ST8SIA1: variants seen among roughly 807,000 people sequenced by gnomAD.
The protein encoded by ST8SIA1 is ST8 alpha-N-acetyl-neuraminide alpha-2,8-sialyltransferase 1.
Under a neutral mutation model 35.9 loss-of-function variants are expected in ST8SIA1, and 16 were observed. The ratio of observed to expected loss-of-function variants is 0.45; its 90% CI spans 0.30 to 0.68. ST8SIA1 has a LOEUF of 0.68. Ranked by LOEUF, ST8SIA1 falls within the 30% of genes least tolerant of loss-of-function variation. The pLI, the probability that ST8SIA1 is intolerant of heterozygous loss-of-function variation, is 0.09. For missense variants in ST8SIA1, 383 were observed against 453.6 expected (o/e 0.84, Z 1.41); for synonymous variants, 170 against 169.6 (o/e 1.00, Z -0.02).
At chr12:22,207,696 C>A (rs1345659367) in intron 4 of ST8SIA1, among the ~76,000 whole-genome samples, 1 of 151,782 alleles carries the variant, frequency 6.6e-6, no homozygotes, top group Non-Finnish European at 1.5e-5. Context: ...CACAAGACTA[C>A]CAAAATAATA....
intron 4 of ST8SIA1, among the ~76,000 whole-genome samples, chr12:22,244,110 C>T (rs903457975): frequency 5.3e-5 from 8 of 152,110 alleles, no homozygotes; most frequent in Non-Finnish European, 7.4e-5. Flanking sequence ...CTCTAGTATA[C>T]GTCTCGAACT....
chr12:22,309,779 G>A (rs892869458), intron 1 of ST8SIA1, among the ~76,000 whole-genome samples: 4 of 152,150 alleles, frequency 2.6e-5, no homozygotes, highest in Non-Finnish European at 5.9e-5. Context: ...CAGTAGAAAG[G>A]TAGGTCTGGA....
chr12:22,297,320 C>A (rs1866258498), intron 1 of ST8SIA1, among the ~76,000 whole-genome samples: 1 of 150,750 alleles, frequency 6.6e-6, no homozygotes, highest in African/African-American at 2.4e-5. Context: ...GGGTAAGACC[C>A]TGGAGTCAGC....
intron 4 of ST8SIA1, among the ~76,000 whole-genome samples, chr12:22,229,659 C>A (rs1865395748): frequency 6.6e-6 from 1 of 151,402 alleles, no homozygotes; most frequent in Non-Finnish European, 1.5e-5. Flanking sequence ...AGGTTATCCA[C>A]CATGATGGCT....
In ST8SIA1 at chr12:22,199,872, A is replaced by G. The variant is rs970104245; in HGVS notation, c.*1680T>C. 1 of 152,182 alleles carries G rather than the reference A, an allele frequency of 6.6e-6. No individual in the cohort carries two copies. Among genetic ancestry groups the G allele is most frequent in the African/African-American group, 2.4e-5 (1 of 41,450 alleles). 9.4% of individuals were successfully genotyped at this position (152,182 alleles called of 1,614,324 possible). A position where few individuals can be genotyped will look rare whatever the true frequency, so the allele number is the denominator to read the frequency against. Reference sequence around the variant, plus strand: ...TTTACCTACAATTTAGTGACATTTAAAATAAAAAAGAAATTGAACTCTAGT... The same window carrying G: ...TTTACCTACAATTTAGTGACATTTAGAATAAAAAAGAAATTGAACTCTAGT... On this transcript the variant is annotated 3_prime_UTR_variant, in exon 5 of 5. Transcript: ENST00000396037.
chr12:22,205,812 ATATATTT>A (rs1865101118), intron 4 of ST8SIA1, among the ~76,000 whole-genome samples: 2 of 152,166 alleles, frequency 1.3e-5, no homozygotes, highest in African/African-American at 4.8e-5. Context: ...CATTTGCAAA[ATATATTT>A]CAACACAGGA....
chr12:22,328,689 G>A (rs1866714369), intron 1 of ST8SIA1, among the ~76,000 whole-genome samples: 1 of 152,186 alleles, frequency 6.6e-6, no homozygotes, highest in Non-Finnish European at 1.5e-5. Context: ...GAGAGGAGGA[G>A]TTCTAAGCAC....
intron 4 of ST8SIA1, among the ~76,000 whole-genome samples, chr12:22,224,491 A>AT (rs1865333593): frequency 6.6e-6 from 1 of 151,766 alleles, no homozygotes; most frequent in Non-Finnish European, 1.5e-5. Flanking sequence ...TGTATTTTTT[A>AT]GTAGAGACAG....
At position 22,257,841 on chromosome 12, in the gene ST8SIA1, A is replaced by C. The variant is rs77893119; in HGVS notation, c.382-2452T>G. On this transcript the variant is annotated intron_variant, in intron 2 of 4. Coordinates refer to ENST00000396037, the MANE Select transcript of ST8SIA1 (RefSeq NM_003034.4). ...AGGTTTTTATTCTAAGATGAGAATC[A>C]AGTCAATGTTGGGTGTGCAAAGGAG... 4.3e-4 allele frequency among the ~76,000 whole-genome samples: 65 copies of C among 152,198 alleles called. No individual in the cohort carries two copies. The East Asian group carries it at 0.011, about 26-fold the overall frequency.
chr12:22,248,106 G>A (rs912509189), intron 4 of ST8SIA1, among the ~76,000 whole-genome samples: 3 of 152,108 alleles, frequency 2.0e-5, no homozygotes, highest in Non-Finnish European at 4.4e-5. Flanking sequence ...AAAATTAAAA[G>A]CTGATTGCAT....
chr12:22,210,300 T>A (rs1479662948), intron 4 of ST8SIA1, among the ~76,000 whole-genome samples: 3 of 152,002 alleles, frequency 2.0e-5, no homozygotes, highest in Non-Finnish European at 2.9e-5. Context: ...AGGATACACA[T>A]AAAGCTGAAA....
intron 2 of ST8SIA1, among the ~76,000 whole-genome samples, chr12:22,267,577 C>T (rs1177410777): frequency 6.6e-6 from 1 of 152,192 alleles, no homozygotes; most frequent in Non-Finnish European, 1.5e-5. Flanking sequence ...CAGGACTCTG[C>T]ATACAAGCAT....
intron 1 of ST8SIA1, among the ~76,000 whole-genome samples, chr12:22,314,874 A>G (rs1274863689): frequency 6.6e-6 from 1 of 152,102 alleles, no homozygotes; most frequent in African/African-American, 2.4e-5. Context: ...TCAAACTCCA[A>G]CTGAAGCTCA....
chr12:22,271,389 A>G (rs991521597), intron 2 of ST8SIA1, among the ~76,000 whole-genome samples: 1 of 152,196 alleles, frequency 6.6e-6, no homozygotes, highest in African/African-American at 2.4e-5. Flanking sequence ...ATGAATATAC[A>G]TAACATATCT....
intron 4 of ST8SIA1, among the ~76,000 whole-genome samples, chr12:22,234,233 C>G (rs1865450558): frequency 6.7e-6 from 1 of 148,524 alleles, no homozygotes; most frequent in East Asian, 2.0e-4. Flanking sequence ...GCACTCCAGC[C>G]TGAGTGACAG....
intron 1 of ST8SIA1, among the ~76,000 whole-genome samples, chr12:22,317,589 T>C (rs186875017): frequency 3.0e-4 from 45 of 152,316 alleles, no homozygotes; most frequent in Middle Eastern, 3.4e-3. Flanking sequence ...GGTCTCTCCA[T>C]AGACTGCCTG....
At chr12:22,290,958 G>A (rs758014113) in intron 1 of ST8SIA1, among the ~76,000 whole-genome samples, 2 of 152,122 alleles carry the variant, frequency 1.3e-5, no homozygotes, top group Admixed American at 6.6e-5. Context: ...TTTCAGTTGC[G>A]TGTGAGTTGA....
intron 2 of ST8SIA1, among the ~76,000 whole-genome samples, chr12:22,266,402 A>T (rs1865849249): frequency 6.6e-6 from 1 of 151,938 alleles, no homozygotes; most frequent in South Asian, 2.1e-4. Context: ...GAGACTTCCA[A>T]ACTTATTACT....
chr12:22,284,849 T>C (rs1866079349), intron 2 of ST8SIA1, among the ~76,000 whole-genome samples: 1 of 152,248 alleles, frequency 6.6e-6, no homozygotes, highest in Non-Finnish European at 1.5e-5. Context: ...GAGGCTAGTT[T>C]ATATTTCTTT....
Sources: gnomAD v4.1 joint callset for allele counts (sites outside exome capture counted in the v4.1 genomes callset) on GRCh38, gnomAD v4.1.1 for gene constraint, MANE v1.5 for transcripts, NCBI Gene and HGNC (gene_info 2026-07-23, HGNC 2026-07-21) for gene names.